STK3: variants seen among roughly 807,000 people sequenced by gnomAD.
STK3 encodes serine/threonine-protein kinase 3.
In STK3, 41 loss-of-function variants were observed where a neutral mutation model predicts 58.0. That is an observed-to-expected ratio of 0.71 (90% CI 0.55 to 0.92). STK3 has a LOEUF of 0.92. STK3 is among the 40% of genes least tolerant of loss of function. The pLI is 0.00. For synonymous variants in STK3, 170 were observed against 191.0 expected, an observed-to-expected ratio of 0.89 and a Z score of 0.91; for missense variants, 479 against 602.7, an observed-to-expected ratio of 0.79 and a Z score of 2.15.
intron 1 of STK3, among the ~76,000 whole-genome samples, chr8:98,887,733 G>A (rs991310191): frequency 6.6e-6 from 1 of 152,170 alleles, no homozygotes. Context: ...GTAGGTTTCT[G>A]TGAAACCGTA....
intron 6 of STK3, among the ~76,000 whole-genome samples, chr8:98,647,355 TA>T (rs1335936558): frequency 6.6e-6 from 1 of 152,158 alleles, no homozygotes; most frequent in Non-Finnish European, 1.5e-5. Flanking sequence ...CCAAAACACT[TA>T]TGGCTTTCTC....
chr8:98,604,582 C>T (rs1816624807), intron 6 of STK3, among the ~76,000 whole-genome samples: 1 of 152,178 alleles, frequency 6.6e-6, no homozygotes, highest in African/African-American at 2.4e-5. Flanking sequence ...AAAGCTACAG[C>T]CCTACAGCAG....
At chr8:98,923,867 G>GCA (rs1215363885) in intron 1 of STK3, among the ~76,000 whole-genome samples, 5 of 134,332 alleles carry the variant, frequency 3.7e-5, no homozygotes, top group Admixed American at 1.5e-4. Flanking sequence ...GCGCGCGCGC[G>GCA]CGCGCGCGCG....
Position 98,475,568 on chromosome 8 carries a change from C to G in STK3, c.1318-19568G>C, listed in dbSNP as rs557240669. On this transcript the variant is annotated intron_variant, in intron 10 of 10. Transcript: ENST00000419617. ...ATACAATTTGTTAAAGAACAGACTC[C>G]ATGTACTATTACAAAAATGAGGTCT... is the stretch of plus-strand genomic sequence containing the variant. Among the ~76,000 whole-genome samples, 3 of 152,252 alleles carry G rather than the reference C, an allele frequency of 2.0e-5. No individual in the cohort carries two copies. In the South Asian group the frequency reaches 6.2e-4, roughly 32 times the overall value.
chr8:98,362,981 CATT>C, the STK3 span, among the ~76,000 whole-genome samples: 2 of 152,194 alleles, frequency 1.3e-5, no homozygotes, highest in African/African-American at 4.8e-5. Context: ...TTGACACAAT[CATT>C]ATCAGTCTCT....
At chr8:98,923,876 CGT>C (rs1564107738) in intron 1 of STK3, among the ~76,000 whole-genome samples, 2 of 146,438 alleles carry the variant, frequency 1.4e-5, no homozygotes, top group Middle Eastern at 3.6e-3. Context: ...CGCGCGCGCG[CGT>C]TGACAATGAT....
At chr8:98,813,545 T>G (rs1834357202) in intron 1 of STK3, among the ~76,000 whole-genome samples, 2 of 152,198 alleles carry the variant, frequency 1.3e-5, no homozygotes, top group Non-Finnish European at 2.9e-5. Context: ...TCCTCTTAAG[T>G]TGGGCTCTTT....
intron 3 of STK3, among the ~76,000 whole-genome samples, chr8:98,410,596 GCACTAA>G (rs1818043358): frequency 6.6e-6 from 1 of 152,110 alleles, no homozygotes; most frequent in African/African-American, 2.4e-5. Context: ...AACCAAATTG[GCACTAA>G]TTGATATGGT....
intron 7 of STK3, among the ~76,000 whole-genome samples, chr8:98,583,504 G>A (rs1814123662): frequency 1.3e-5 from 2 of 151,566 alleles, no homozygotes; most frequent in Admixed American, 6.6e-5. Flanking sequence ...GGGGTGGGCT[G>A]GGGTGGGACA....
intron 6 of STK3, among the ~76,000 whole-genome samples, chr8:98,660,087 G>A: frequency 6.6e-6 from 1 of 152,044 alleles, no homozygotes; most frequent in Admixed American, 6.6e-5. Flanking sequence ...ATATTATTTA[G>A]CCTTAAAAAG....
downstream of STK3, among the ~76,000 whole-genome samples, chr8:98,370,088 ATTTTT>A (rs5893462): frequency 7.8e-6 from 1 of 127,632 alleles, no homozygotes. Context: ...TGGGATTTTG[ATTTTT>A]TTTTTTTTTT....
chr8:98,718,562 C>T (rs1209612185), intron 4 of STK3, among the ~76,000 whole-genome samples: 1 of 152,112 alleles, frequency 6.6e-6, no homozygotes, highest in East Asian at 1.9e-4. Context: ...ACATTTGAAA[C>T]GTGGGTATTC....
chr8:98,576,492 T>A (rs1399539905), intron 8 of STK3, among the ~76,000 whole-genome samples: 1 of 152,234 alleles, frequency 6.6e-6, no homozygotes, highest in Non-Finnish European at 1.5e-5. Flanking sequence ...TGAGGAGTAC[T>A]GCCATCTTCA....
chr8:98,832,633 G>A (rs1355310827), intron 3 of STK3, among the ~76,000 whole-genome samples: 1 of 152,156 alleles, frequency 6.6e-6, no homozygotes, highest in African/African-American at 2.4e-5. Context: ...AGGTATGTCT[G>A]ACCGCCTATC....
intron 3 of STK3, among the ~76,000 whole-genome samples, chr8:98,839,993 A>G (rs1040579718): frequency 6.6e-6 from 1 of 152,196 alleles, no homozygotes; most frequent in African/African-American, 2.4e-5. Context: ...AAGGGTCTGA[A>G]CACCACAGAT....
chr8:98,786,872 C>T (rs1275491288), intron 1 of STK3, among the ~76,000 whole-genome samples: 3 of 152,048 alleles, frequency 2.0e-5, no homozygotes, highest in Non-Finnish European at 4.4e-5. Flanking sequence ...CATATACTCA[C>T]CAGGCCGTCC....
chr8:98,486,091 AAAGATTTG>A (rs2131300369), intron 10 of STK3, among the ~76,000 whole-genome samples: 1 of 152,336 alleles, frequency 6.6e-6, no homozygotes, highest in Non-Finnish European at 1.5e-5. Flanking sequence ...GCCCCAGGCT[AAAGATTTG>A]AATTCTGGCT....
At chr8:98,574,108 C>T (rs114280925) in intron 8 of STK3, among the ~76,000 whole-genome samples, 2 of 152,014 alleles carry the variant, frequency 1.3e-5, no homozygotes, top group African/African-American at 4.8e-5. Flanking sequence ...AGGGCCACAG[C>T]CAAACCATAT....
intron 3 of STK3, among the ~76,000 whole-genome samples, chr8:98,845,155 G>C (rs1168471081): frequency 6.6e-6 from 1 of 151,946 alleles, no homozygotes; most frequent in African/African-American, 2.4e-5. Context: ...GTTCATTTCT[G>C]TTACTTGCAA....
Sources: gnomAD v4.1 joint callset for allele counts (sites outside exome capture counted in the v4.1 genomes callset) on GRCh38, gnomAD v4.1.1 for gene constraint, MANE v1.5 for transcripts, NCBI Gene and HGNC (gene_info 2026-07-23, HGNC 2026-07-21) for gene names.